TTK: variants seen among roughly 807,000 people sequenced by gnomAD.
TTK encodes dual specificity protein kinase TTK.
In TTK, 59 loss-of-function variants were observed where a neutral mutation model predicts 117.3. The ratio of observed to expected loss-of-function variants is 0.50; its 90% CI spans 0.41 to 0.62. The LOEUF (loss-of-function observed/expected upper bound fraction) is 0.62. TTK is among the 20% of genes least tolerant of loss of function. The probability of loss-of-function intolerance (pLI) is 0.00; values close to 1 mark genes in which losing one functional copy is unlikely to be tolerated. For synonymous variants in TTK, 302 were observed against 325.0 expected, an observed-to-expected ratio of 0.93 and a Z score of 0.76; for missense variants, 921 against 989.4, an observed-to-expected ratio of 0.93 and a Z score of 0.93.
intron 14 of TTK, 60 bp downstream of exon 14, chr6:80,031,619 G>C (rs1482848529): frequency 4.6e-6 from 6 of 1,304,174 alleles, no homozygotes; most frequent in Non-Finnish European, 6.1e-6. Flanking sequence ...CTGTTTTTTT[G>C]TCTTTTTACC....
In TTK at chr6:80,039,952, A is replaced by G. The variant is rs1235848481; in HGVS notation, c.2307+80A>G. ...TTGGAATTATGTAACTGGCTTAGAT[A>G]TAACTGTTCTATTCAAAAGAATTGC... On this transcript the variant is annotated intron_variant, in intron 19 of 21. Transcript: ENST00000369798. The G allele has an allele frequency of 4.2e-6, 5 of 1,178,166 alleles. No homozygotes were observed. The African/African-American group carries it at 4.8e-5, about 11-fold the overall frequency. The allele number at this position is 1,178,166 out of a possible 1,614,324, so 73.0% of individuals were successfully genotyped here. A position where few individuals can be genotyped will look rare whatever the true frequency, so the allele number is the denominator to read the frequency against.
intron 13 of TTK, among the ~76,000 whole-genome samples, chr6:80,030,294 C>A (rs954969989): frequency 3.9e-5 from 6 of 152,134 alleles, no homozygotes; most frequent in African/African-American, 1.4e-4. Context: ...TATAGGTACA[C>A]AGAGAGATCC....
intron 13 of TTK, among the ~76,000 whole-genome samples, chr6:80,028,659 G>A (rs1767674336): frequency 6.6e-6 from 1 of 152,114 alleles, no homozygotes; most frequent in Non-Finnish European, 1.5e-5. Flanking sequence ...CTAGTGAGCA[G>A]CTTCATTTTG....
chr6:80,010,418 G>A (rs1218037938), intron 4 of TTK, among the ~76,000 whole-genome samples: 1 of 150,034 alleles, frequency 6.7e-6, no homozygotes, highest in Non-Finnish European at 1.5e-5. Flanking sequence ...TGTTGTAAGA[G>A]ACTGATGCTC....
chr6:80,031,595 A>G (rs776139186), intron 14 of TTK, 36 bp downstream of exon 14: 3 of 1,420,702 alleles, frequency 2.1e-6, no homozygotes, highest in African/African-American at 3.0e-5. Context: ...ATAAATAAAA[A>G]TATTTTAAAC....
chr6:80,014,549 G>C lies in TTK; in HGVS notation c.1071G>C (p.Lys357Asn). The change falls in exon 10 of 22, where the codon AAG (lysine) becomes AAC (asparagine). Residue 357 changes from lysine (K) to asparagine (N), a missense_variant. Physicochemically the swap from Lys to Asn is moderately conservative, Grantham distance 94 (BLOSUM62 0). Transcript: ENST00000369798. ...ELIITDSITL[K>N]NKTESSLLAK... is the part of the protein sequence containing the mutation. The stretch of plus-strand genomic sequence containing the variant: ...TTATTACTGATTCAATAACCCTGAA[G>C]AATAAAACGGAATCAAGTCTTCTAG... 6.2e-7 allele frequency: 1 copy of C among 1,603,990 alleles called. No homozygotes were observed. The highest frequency in any genetic ancestry group is 8.5e-7 in the Non-Finnish European group (1 of 1,175,380).
At chr6:80,029,681 A>T (rs1055845912) in intron 13 of TTK, among the ~76,000 whole-genome samples, 2 of 152,098 alleles carry the variant, frequency 1.3e-5, no homozygotes, top group African/African-American at 4.8e-5. Flanking sequence ...CTGGGCCCTT[A>T]AGTTTTACCC....
chr6:80,019,430 G>T (rs557235538), intron 10 of TTK, among the ~76,000 whole-genome samples: 1 of 152,170 alleles, frequency 6.6e-6, no homozygotes, highest in African/African-American at 2.4e-5. Flanking sequence ...TTCTTAATTG[G>T]AAATGACCCA....
chr6:80,039,584 ACATT>A lies in TTK; in HGVS notation c.2131-107_2131-104del, dbSNP rs1483266855. On this transcript the variant is annotated intron_variant, in intron 18 of 21. Transcript: ENST00000369798. ...TTGTCATGTTAACATAATGTAGTAC[ACATT>A]CATTGAGATTTAATTATGATTTTAA... 1.1e-5 allele frequency: 8 copies of A among 736,484 alleles called. No homozygotes were observed. The African/African-American group carries it at 1.3e-4, about 12-fold the overall frequency. The allele number at this position is 736,484 out of a possible 1,614,324, so 45.6% of individuals were successfully genotyped here. A position where few individuals can be genotyped will look rare whatever the true frequency, so the allele number is the denominator to read the frequency against.
At chr6:80,028,561 G>T (rs546595939) in intron 13 of TTK, among the ~76,000 whole-genome samples, 3 of 151,750 alleles carry the variant, frequency 2.0e-5, no homozygotes, top group Non-Finnish European at 4.4e-5. Context: ...CAAACCATCC[G>T]CCCGCCTCAG....
At chr6:80,023,880 T>A (rs1248354686) in intron 11 of TTK, among the ~76,000 whole-genome samples, 1 of 152,220 alleles carries the variant, frequency 6.6e-6, no homozygotes, top group African/African-American at 2.4e-5. Flanking sequence ...TAAGATCTCT[T>A]AAGTAGTAGA....
At chr6:80,023,475 C>G (rs375490212) in intron 11 of TTK, among the ~76,000 whole-genome samples, 216 of 151,878 alleles carry the variant, frequency 1.4e-3, no homozygotes, top group African/African-American at 5.0e-3. Context: ...CGCCTGTAGT[C>G]CCAGCTACTT....
chr6:80,023,986 G>A (rs1037290878), intron 11 of TTK, among the ~76,000 whole-genome samples: 1 of 152,072 alleles, frequency 6.6e-6, no homozygotes, highest in Non-Finnish European at 1.5e-5. Context: ...TTTGAAAATT[G>A]TACACTAATA....
intron 1 of TTK, among the ~76,000 whole-genome samples, chr6:80,005,253 G>T (rs1766958240): frequency 6.6e-6 from 1 of 152,152 alleles, no homozygotes; most frequent in African/African-American, 2.4e-5. Flanking sequence ...CCACCATGCA[G>T]ATAAGCAAGT....
rs1414621530 is a variant in TTK, at chr6:80,036,467, T to C, written c.1925-8T>C. 1.9e-6 allele frequency: 3 copies of C among 1,593,454 alleles called. No homozygotes were observed. The highest frequency in any genetic ancestry group is 2.3e-5 in the South Asian group (2 of 86,832). On this transcript the variant is annotated splice_region_variant and splice_polypyrimidine_tract_variant and intron_variant, in intron 16 of 21. Coordinates refer to ENST00000369798, the MANE Select transcript of TTK (RefSeq NM_003318.5). Reference sequence around the variant, plus strand: ...TGTTTAATATTACAGTGGATTTTTATTTTAAAGGCATTGTTCACAGTGATC... The same window carrying C: ...TGTTTAATATTACAGTGGATTTTTACTTTAAAGGCATTGTTCACAGTGATC...
chr6:80,026,238 A>G (rs1767600272), intron 11 of TTK, 140 bp from the exon 12 acceptor site: 2 of 841,190 alleles, frequency 2.4e-6, no homozygotes, highest in Non-Finnish European at 3.4e-6. Flanking sequence ...TCTAAAATGT[A>G]TATATATGCC....
intron 11 of TTK, among the ~76,000 whole-genome samples, chr6:80,024,227 T>C (rs540911506): frequency 6.6e-6 from 1 of 152,338 alleles, no homozygotes; most frequent in Non-Finnish European, 1.5e-5. Flanking sequence ...AAACGTAGCT[T>C]TATATGATCC....
At chr6:80,006,005 G>A (rs1396797470) in intron 2 of TTK, 23 bp downstream of exon 2, 1 of 1,593,832 alleles carries the variant, frequency 6.3e-7, no homozygotes, top group African/African-American at 1.4e-5. Context: ...TTTCTTTTAA[G>A]TTAGTAACTG....
At chr6:80,019,109 T>C (rs1372158176) in intron 10 of TTK, among the ~76,000 whole-genome samples, 3 of 152,206 alleles carry the variant, frequency 2.0e-5, no homozygotes, top group African/African-American at 7.2e-5. Context: ...TTGTATCCAT[T>C]ATAATGAAAG....
Sources: gnomAD v4.1 joint callset for allele counts (sites outside exome capture counted in the v4.1 genomes callset) on GRCh38, gnomAD v4.1.1 for gene constraint, MANE v1.5 for transcripts, NCBI Gene and HGNC (gene_info 2026-07-23, HGNC 2026-07-21) for gene names.